CNMD: variants seen among roughly 807,000 people sequenced by gnomAD.
CNMD encodes the protein leukocyte cell-derived chemotaxin 1.
CNMD carries 30 observed loss-of-function variants against 37.5 expected under a neutral mutation model. The ratio of observed to expected loss-of-function variants is 0.80; its 90% confidence interval spans 0.60 to 1.09. The LOEUF (loss-of-function observed/expected upper bound fraction) is 1.09. CNMD is among the 50% of genes least tolerant of loss of function. The pLI is 0.00. For synonymous variants in CNMD, 167 were observed against 148.2 expected (o/e 1.13, Z -0.92); for missense variants, 398 against 423.9 (o/e 0.94, Z 0.54).
At chr13:52,738,516 A>G (rs1964813348) in intron 2 of CNMD, among the ~76,000 whole-genome samples, 1 of 152,110 alleles carries the variant, frequency 6.6e-6, no homozygotes, top group Non-Finnish European at 1.5e-5. Context: ...TTCCAGAGAG[A>G]GAAGGGAATG....
At chr13:52,710,024 C>T (rs1472489515) in intron 5 of CNMD, among the ~76,000 whole-genome samples, 4 of 151,972 alleles carry the variant, frequency 2.6e-5, no homozygotes, top group African/African-American at 9.7e-5. Context: ...TCTCTGAGCC[C>T]GTTTCGTTAT....
At chr13:52,728,019 T>C (rs1297283376) in intron 3 of CNMD, among the ~76,000 whole-genome samples, 2 of 152,208 alleles carry the variant, frequency 1.3e-5, no homozygotes, top group Non-Finnish European at 1.5e-5. Flanking sequence ...TTACACATCC[T>C]ATTCATGTAA....
Position 52,739,612 on chromosome 13 carries a change from ATCCC to A in CNMD, c.72+14_72+17del. 6.2e-7 allele frequency: 1 copy of A among 1,609,018 alleles called. No homozygotes were observed. Among genetic ancestry groups the A allele is most frequent in the Non-Finnish European group, 8.5e-7 (1 of 1,175,400 alleles). On this transcript the variant is annotated intron_variant, in intron 1 of 6. Coordinates refer to ENST00000377962, the MANE Select transcript of CNMD (RefSeq NM_007015.3). This position sits in a 1 kb window ranked among gnomAD's most constrained non-coding sequence, Gnocchi z 5.4. The stretch of plus-strand genomic sequence containing the variant: ...ACACAACCCAGGCCCTGCGTGTGGA[ATCCC>A]TGGCGGTACTCACCGGGGGGCTGCA...
intron 2 of CNMD, among the ~76,000 whole-genome samples, chr13:52,737,420 A>G (rs1964788295): frequency 6.6e-6 from 1 of 152,208 alleles, no homozygotes; most frequent in Non-Finnish European, 1.5e-5. Context: ...CTGAATTCTT[A>G]GCATTTAATA....
chr13:52,719,912 G>C (rs1241513663), intron 4 of CNMD, among the ~76,000 whole-genome samples: 1 of 152,218 alleles, frequency 6.6e-6, no homozygotes, highest in South Asian at 2.1e-4. Context: ...ATAATATCCT[G>C]AAGAGTGTTT....
chr13:52,720,412 C>T (rs1365783495), intron 4 of CNMD, among the ~76,000 whole-genome samples: 1 of 152,094 alleles, frequency 6.6e-6, no homozygotes, highest in East Asian at 1.9e-4. Context: ...GGAGAAGAGG[C>T]GTTCTGGTTT....
Position 52,739,483 on chromosome 13 carries a change from G to A in CNMD, c.72+147C>T. ...TGACCCCTGCACACTCATACGCGTG[G>A]GGCGACATCCCACCCACACATTTGG... is the stretch of plus-strand genomic sequence containing the variant. On this transcript the variant is annotated intron_variant, in intron 1 of 6. Transcript: ENST00000377962. This position sits in a 1 kb window ranked among gnomAD's most constrained non-coding sequence, Gnocchi z 5.4. 1 of 760,590 alleles carries A rather than the reference G, an allele frequency of 1.3e-6. No individual in the cohort carries two copies. Among genetic ancestry groups the A allele is most frequent in the South Asian group, 1.7e-5 (1 of 59,872 alleles). 47.1% of individuals were successfully genotyped at this position (760,590 alleles called of 1,614,324 possible). A position where few individuals can be genotyped will look rare whatever the true frequency, so the allele number is the denominator to read the frequency against.
At position 52,708,683 on chromosome 13, in the gene CNMD, T is replaced by C; in HGVS notation, c.642A>G (p.Arg214=). 6.2e-7 allele frequency: 1 copy of C among 1,605,708 alleles called. No homozygotes were observed. Among genetic ancestry groups the C allele is most frequent in the Non-Finnish European group, 8.5e-7 (1 of 1,177,940 alleles). ...TYPKEIQRER[R]EVVRKIVPTT... is the part of the protein sequence containing the mutation. The stretch of plus-strand genomic sequence containing the variant: ...TTGGAACAATTTTTCTTACCACTTC[T>C]CTTCTTTCCCTCTGGATTTCTGCAA... Residue 214 remains arginine (R), a synonymous_variant, in exon 6 of 7, where the codon AGA becomes AGG. Coordinates refer to ENST00000377962, the MANE Select transcript of CNMD (RefSeq NM_007015.3).
At chr13:52,735,830 T>C (rs1964749708) in intron 2 of CNMD, among the ~76,000 whole-genome samples, 1 of 143,874 alleles carries the variant, frequency 7.0e-6, no homozygotes, top group Admixed American at 6.9e-5. Flanking sequence ...GGCCCACCTT[T>C]TTTTTTTTTT....
At chr13:52,705,383 G>T (rs1964157200) in intron 6 of CNMD, among the ~76,000 whole-genome samples, 1 of 152,128 alleles carries the variant, frequency 6.6e-6, no homozygotes, top group South Asian at 2.1e-4. Context: ...AACATGATCT[G>T]ATACAACCCA....
intron 4 of CNMD, 129 bp from the exon 5 acceptor site, chr13:52,712,998 A>G (rs1159639116): frequency 3.4e-6 from 2 of 590,202 alleles, no homozygotes. Flanking sequence ...GCGTGTGTAC[A>G]TGTGTGCACT....
intron 6 of CNMD, among the ~76,000 whole-genome samples, chr13:52,704,656 C>T (rs1964145162): frequency 6.6e-6 from 1 of 152,142 alleles, no homozygotes; most frequent in South Asian, 2.1e-4. Context: ...CCAAGAAACC[C>T]TTATCTTTAA....
intron 2 of CNMD, among the ~76,000 whole-genome samples, chr13:52,737,922 T>C (rs1012899562): frequency 6.6e-6 from 1 of 152,234 alleles, no homozygotes; most frequent in East Asian, 1.9e-4. Flanking sequence ...TTTGATATAG[T>C]CTCTAAAACA....
chr13:52,739,615 C>T lies in CNMD; in HGVS notation c.72+15G>A. The T allele has an allele frequency of 6.2e-7, 1 of 1,612,124 alleles. No individual in the cohort carries two copies. Among genetic ancestry groups the T allele is most frequent in the Non-Finnish European group, 8.5e-7 (1 of 1,178,130 alleles). On this transcript the variant is annotated intron_variant, in intron 1 of 6. Transcript: ENST00000377962. This position sits in a 1 kb window ranked among gnomAD's most constrained non-coding sequence, Gnocchi z 5.4. Reference sequence around the variant, plus strand: ...CAACCCAGGCCCTGCGTGTGGAATCCCTGGCGGTACTCACCGGGGGGCTGC... The same window carrying T: ...CAACCCAGGCCCTGCGTGTGGAATCTCTGGCGGTACTCACCGGGGGGCTGC...
Position 52,734,187 on chromosome 13 carries a change from G to T in CNMD, c.214-828C>A, listed in dbSNP as rs987674336. On this transcript the variant is annotated intron_variant, in intron 2 of 6. Transcript: ENST00000377962. ...GCCACACCACTCATCTCTGGATCTT[G>T]TGAGTTGCCACGAGTGTATAATGAA... 3.2e-4 allele frequency among the ~76,000 whole-genome samples: 48 copies of T among 152,182 alleles called. 1 individual carries two copies. The highest frequency in any genetic ancestry group is 7.3e-5 in the Non-Finnish European group (5 of 68,040).
Position 52,739,260 on chromosome 13 carries a change from C to A in CNMD, c.73-89G>T. 7.2e-7 allele frequency: 1 copy of A among 1,380,086 alleles called. No individual in the cohort carries two copies. The highest frequency in any genetic ancestry group is 1.6e-5 in the South Asian group (1 of 64,038). 85.5% of individuals were successfully genotyped at this position (1,380,086 alleles called of 1,614,324 possible). On this transcript the variant is annotated intron_variant, in intron 1 of 6. Transcript: ENST00000377962. The surrounding 1 kb of genome is among the most constrained non-coding windows in gnomAD (Gnocchi z 5.4). The stretch of plus-strand genomic sequence containing the variant: ...CACCCGGGCCCCACGCGGTAGCCCC[C>A]AGGGAGTGGGGAGTCGGGCGGGAAA...
chr13:52,706,568 C>A (rs937938642), intron 6 of CNMD, among the ~76,000 whole-genome samples: 2 of 152,010 alleles, frequency 1.3e-5, no homozygotes, highest in African/African-American at 4.8e-5. Context: ...TAATTTATAG[C>A]CATGAAAGCA....
chr13:52,731,420 A>C lies in CNMD; in HGVS notation c.354+1799T>G, dbSNP rs1440471733. ...GAGAAAGTAATAGTGTAGGTACCAT[A>C]GTGGCTGATTCATGTGTTTTCAAAA... On this transcript the variant is annotated intron_variant, in intron 3 of 6. Transcript: ENST00000377962. Among the ~76,000 whole-genome samples, 2 of 152,152 alleles carry C rather than the reference A, an allele frequency of 1.3e-5. 1 individual carries two copies. Among genetic ancestry groups the C allele is most frequent in the African/African-American group, 4.8e-5 (2 of 41,424 alleles).
intron 4 of CNMD, among the ~76,000 whole-genome samples, chr13:52,721,464 C>T (rs1964480434): frequency 6.6e-6 from 1 of 152,242 alleles, no homozygotes; most frequent in Non-Finnish European, 1.5e-5. Flanking sequence ...TTGCAAAGAC[C>T]ATGGGAAAAG....
Sources: gnomAD v4.1 joint callset for allele counts (sites outside exome capture counted in the v4.1 genomes callset) on GRCh38, gnomAD v4.1.1 for gene constraint, Gnocchi (gnomAD v3.1) non-coding constraint, MANE v1.5 for transcripts, NCBI Gene and HGNC (gene_info 2026-07-23, HGNC 2026-07-21) for gene names.